The following WNK2 variants were observed in gnomAD, a reference collection of about 807,000 sequenced individuals.
The protein encoded by WNK2 is serine/threonine-protein kinase WNK2.
WNK2 carries 67 observed loss-of-function variants against 192.1 expected under a neutral mutation model. The ratio of observed to expected loss-of-function variants is 0.35; its 90% confidence interval spans 0.29 to 0.43. The LOEUF is 0.43. WNK2 is among the 20% of genes least tolerant of loss of function. The pLI is 1.00. For missense variants in WNK2, 2,698 were observed against 3,089.7 expected (o/e 0.87, Z 3.01); for synonymous variants, 1,439 against 1,393.9 (o/e 1.03, Z -0.72).
intron 19 of WNK2, among the ~76,000 whole-genome samples, chr9:93,273,801 A>G (rs1846346038): frequency 6.6e-6 from 1 of 152,260 alleles, no homozygotes; most frequent in Non-Finnish European, 1.5e-5. Context: ...TATGTCAAGT[A>G]TGTTCTCCGA....
chr9:93,204,137 C>A (rs1171505348), intron 2 of WNK2, among the ~76,000 whole-genome samples: 3 of 152,022 alleles, frequency 2.0e-5, no homozygotes, highest in African/African-American at 7.3e-5. Flanking sequence ...GTTTTAACTG[C>A]CTGCTTGGTC....
chr9:93,300,753 G>A (rs1851468259), intron 26 of WNK2, among the ~76,000 whole-genome samples: 1 of 152,174 alleles, frequency 6.6e-6, no homozygotes, highest in African/African-American at 2.4e-5. Flanking sequence ...TGCCCTGCAT[G>A]TGGAAATGCT....
chr9:93,195,199 G>A (rs1183461697), intron 2 of WNK2, among the ~76,000 whole-genome samples: 2 of 152,100 alleles, frequency 1.3e-5, no homozygotes, highest in African/African-American at 4.8e-5. Flanking sequence ...AAGTGTAAAT[G>A]TTGGATTTTA....
intron 19 of WNK2, among the ~76,000 whole-genome samples, chr9:93,284,979 T>C (rs574529383): frequency 1.3e-5 from 2 of 152,362 alleles, no homozygotes; most frequent in South Asian, 2.1e-4. Context: ...ATAATGCATG[T>C]CACATAGTAG....
chr9:93,266,274 G>A (rs767745597), intron 16 of WNK2, among the ~76,000 whole-genome samples: 5 of 152,116 alleles, frequency 3.3e-5, no homozygotes, highest in African/African-American at 9.7e-5. Flanking sequence ...GTTAGAGGTC[G>A]GCAGGCCTTG....
At chr9:93,210,545 C>A (rs1452099906) in intron 2 of WNK2, among the ~76,000 whole-genome samples, 2 of 152,100 alleles carry the variant, frequency 1.3e-5, no homozygotes, top group African/African-American at 2.4e-5. Flanking sequence ...TCAAGCCTGC[C>A]GCACATCAGC....
At chr9:93,255,605 G>A (rs1048163348) in intron 9 of WNK2, among the ~76,000 whole-genome samples, 1 of 152,138 alleles carries the variant, frequency 6.6e-6, no homozygotes, top group Non-Finnish European at 1.5e-5. Context: ...GGGAGAGAAC[G>A]TTCATGGCAG....
Position 93,239,731 on chromosome 9 carries a change from C to T in WNK2, c.1323-26C>T. The T allele has an allele frequency of 6.5e-7, 1 of 1,539,550 alleles. No individual in the cohort carries two copies. The highest frequency in any genetic ancestry group is 8.8e-7 in the Non-Finnish European group (1 of 1,138,634). On this transcript the variant is annotated intron_variant, in intron 6 of 29. Coordinates refer to ENST00000427277, the MANE Select transcript of WNK2 (RefSeq NM_006648.4). This position sits in a 1 kb window ranked among gnomAD's most constrained non-coding sequence, Gnocchi z 4.2. ...CATGGAGGCCCTGGCGCCCGTGCCCCTGCCTGTCAGCTGCTCTCCCTCCAG... is the reference window on the plus strand; with the variant it reads ...CATGGAGGCCCTGGCGCCCGTGCCCTTGCCTGTCAGCTGCTCTCCCTCCAG...
intron 3 of WNK2, among the ~76,000 whole-genome samples, chr9:93,230,218 G>T (rs1477275062): frequency 6.6e-6 from 1 of 152,112 alleles, no homozygotes; most frequent in African/African-American, 2.4e-5. Flanking sequence ...GGGGAGTGGG[G>T]TGGCCACGGC....
intron 2 of WNK2, among the ~76,000 whole-genome samples, chr9:93,222,776 G>A (rs1451810001): frequency 2.0e-5 from 3 of 151,246 alleles, no homozygotes; most frequent in African/African-American, 4.9e-5. Flanking sequence ...TCCACCTCCC[G>A]GGTTCAAGCG....
intron 2 of WNK2, among the ~76,000 whole-genome samples, chr9:93,220,161 C>T (rs1225872035): frequency 1.3e-5 from 2 of 152,164 alleles, no homozygotes; most frequent in Admixed American, 6.5e-5. Flanking sequence ...CACCCAGAGC[C>T]CACGAGGGTG....
intron 8 of WNK2, among the ~76,000 whole-genome samples, chr9:93,252,484 A>G (rs543034418): frequency 7.3e-4 from 111 of 152,358 alleles, no homozygotes; most frequent in African/African-American, 2.5e-3. Context: ...TATAAAACAC[A>G]GGTGATATTT....
intron 28 of WNK2, 156 bp from the exon 29 acceptor site, chr9:93,317,364 A>G: frequency 1.5e-6 from 1 of 679,612 alleles, no homozygotes; most frequent in South Asian, 1.8e-5. Context: ...CCACACCATC[A>G]TTCTGGTGTC....
chr9:93,280,052 C>CG (rs1193435416), intron 19 of WNK2, among the ~76,000 whole-genome samples: 7 of 152,154 alleles, frequency 4.6e-5, no homozygotes, highest in African/African-American at 1.7e-4. Context: ...AATTAGTAAA[C>CG]TGAATTCGTC....
rs757797824 is a variant in WNK2 at position 93,299,099 on chromosome 9, C to T, written c.5953C>T (p.Pro1985Ser). 1 of 1,611,136 alleles carries T rather than the reference C, an allele frequency of 6.2e-7. No individual in the cohort carries two copies. Among genetic ancestry groups the T allele is most frequent in the Non-Finnish European group, 8.5e-7 (1 of 1,179,566 alleles). Reference sequence around the variant, plus strand: ...CTTGGCTGACTCCAGCAGAGGCCCTCCCGCTAAGGACCCTGCCCAAGCCAG... The same window carrying T: ...CTTGGCTGACTCCAGCAGAGGCCCTTCCGCTAAGGACCCTGCCCAAGCCAG... ...GHLADSSRGP[P>S]AKDPAQASVG... Residue 1985 changes from proline to serine, a missense_variant, in exon 25 of 30, where the codon CCC becomes TCC. Physicochemically the swap from Pro to Ser is moderately conservative, Grantham distance 74. Transcript: ENST00000427277.
At chr9:93,222,106 G>T (rs1299737752) in intron 2 of WNK2, among the ~76,000 whole-genome samples, 3 of 120,526 alleles carry the variant, frequency 2.5e-5, no homozygotes, top group African/African-American at 5.2e-5. Flanking sequence ...CGGGCGGCAG[G>T]GTCCCAGGTG....
chr9:93,214,410 T>A (rs1176092228), intron 2 of WNK2, among the ~76,000 whole-genome samples: 1 of 152,084 alleles, frequency 6.6e-6, no homozygotes, highest in East Asian at 1.9e-4. Flanking sequence ...TTCAAGTGAT[T>A]CTTCTGCCTC....
intron 28 of WNK2, chr9:93,309,234 G>C: frequency 1.6e-6 from 1 of 632,612 alleles, no homozygotes; most frequent in Non-Finnish European, 2.0e-6. Flanking sequence ...TTTTAGCGTG[G>C]GATACTTTCC....
chr9:93,207,808 G>GT (rs1260570499), intron 2 of WNK2, among the ~76,000 whole-genome samples: 1 of 152,246 alleles, frequency 6.6e-6, no homozygotes, highest in Non-Finnish European at 1.5e-5. Context: ...GCGAAGTTCA[G>GT]TAGATTGCAA....
Sources: gnomAD v4.1 joint callset for allele counts (sites outside exome capture counted in the v4.1 genomes callset) on GRCh38, gnomAD v4.1.1 for gene constraint, Gnocchi (gnomAD v3.1) non-coding constraint, MANE v1.5 for transcripts, NCBI Gene and HGNC (gene_info 2026-07-23, HGNC 2026-07-21) for gene names.